The following PTPRD variants were observed in gnomAD, a reference collection of about 807,000 sequenced individuals.
PTPRD encodes protein tyrosine phosphatase receptor type D.
PTPRD carries 34 observed loss-of-function variants against 214.5 expected under a neutral mutation model. The observed-to-expected ratio is 0.16, with a 90% CI of 0.12 to 0.21. The LOEUF (loss-of-function observed/expected upper bound fraction) is 0.21, where lower values mean the gene tolerates loss of function less well. PTPRD is among the 10% of genes least tolerant of loss of function. The pLI is 1.00. For synonymous variants in PTPRD, 1,128 were observed against 845.7 expected, an observed-to-expected ratio of 1.33 and a Z score of -5.79; for missense variants, 2,545 against 2,398.7, an observed-to-expected ratio of 1.06 and a Z score of -1.27.
intron 3 of PTPRD, among the ~76,000 whole-genome samples, chr9:10,190,123 T>C (rs564715886): frequency 5.3e-5 from 8 of 151,852 alleles, no homozygotes; most frequent in Admixed American, 5.2e-4. Flanking sequence ...TCCCAGCATT[T>C]TGGGAGGCTG....
At chr9:9,687,752 A>C (rs1414602276) in intron 7 of PTPRD, among the ~76,000 whole-genome samples, 1 of 151,816 alleles carries the variant, frequency 6.6e-6, no homozygotes, top group Non-Finnish European at 1.5e-5. Context: ...TTGGTCAAAA[A>C]CAAAATGTTG....
chr9:9,238,198 A>T (rs1486813056), intron 9 of PTPRD, among the ~76,000 whole-genome samples: 3 of 151,958 alleles, frequency 2.0e-5, no homozygotes, highest in Non-Finnish European at 4.4e-5. Flanking sequence ...TAGCCCTGAG[A>T]GTCATGAATA....
chr9:9,745,353 G>A (rs1332230635), intron 6 of PTPRD, among the ~76,000 whole-genome samples: 1 of 151,984 alleles, frequency 6.6e-6, no homozygotes, highest in African/African-American at 2.4e-5. Flanking sequence ...TTGTTAAGCT[G>A]CTTCCTAGAA....
intron 2 of PTPRD, among the ~76,000 whole-genome samples, chr9:10,363,992 T>TTTTTTTG (rs1491530755): frequency 0.31 from 11,277 of 36,222 alleles, 2,756 homozygotes; most frequent in South Asian, 0.46. Context: ...CATTTTCGGG[T>TTTTTTTG]TTTTTTTTTT....
intron 2 of PTPRD, among the ~76,000 whole-genome samples, chr9:10,518,753 T>C (rs374933400): frequency 0.014 from 2,148 of 152,134 alleles, 27 homozygotes; most frequent in East Asian, 0.05. Context: ...AAGATGGTCT[T>C]GATCTCCTGA....
At chr9:8,350,151 G>A (rs542310150) in intron 39 of PTPRD, among the ~76,000 whole-genome samples, 133 of 152,204 alleles carry the variant, frequency 8.7e-4, no homozygotes, top group Non-Finnish European at 1.6e-3. Context: ...ATGTGATACA[G>A]TAGTAATGTG....
At chr9:9,021,539 T>C (rs936584660) in intron 10 of PTPRD, among the ~76,000 whole-genome samples, 6 of 152,146 alleles carry the variant, frequency 3.9e-5, no homozygotes, top group Non-Finnish European at 8.8e-5. Flanking sequence ...TAGAGTGTAC[T>C]CTTTCTACTT....
intron 2 of PTPRD, among the ~76,000 whole-genome samples, chr9:10,568,274 T>C (rs1218532896): frequency 6.6e-6 from 1 of 152,116 alleles, no homozygotes; most frequent in South Asian, 2.1e-4. Flanking sequence ...GCTTCATCCA[T>C]GTCCCTGCAA....
In PTPRD at chr9:9,477,483, C is replaced by A. The variant is rs2095144287; in HGVS notation, c.-236-80001G>T. On this transcript the variant is annotated intron_variant, in intron 8 of 45. Coordinates refer to ENST00000381196, the MANE Select transcript of PTPRD (RefSeq NM_002839.4). Reference sequence around the variant, plus strand: ...CATAAGAGGAGGTGTAGTCACCCCACTCAAAGAAAATGCTTTTTAAAGTTC... The same window carrying A: ...CATAAGAGGAGGTGTAGTCACCCCAATCAAAGAAAATGCTTTTTAAAGTTC... 2.0e-5 allele frequency among the ~76,000 whole-genome samples: 3 copies of A among 152,174 alleles called. No homozygotes were observed. The South Asian group carries it at 6.2e-4, about 32-fold the overall frequency.
intron 10 of PTPRD, among the ~76,000 whole-genome samples, chr9:9,153,108 C>A (rs2099878282): frequency 6.6e-6 from 1 of 152,172 alleles, no homozygotes; most frequent in Non-Finnish European, 1.5e-5. Flanking sequence ...GGGCACTGAC[C>A]CTCCTCCTGT....
intron 8 of PTPRD, among the ~76,000 whole-genome samples, chr9:9,485,604 G>A (rs931323000): frequency 2.6e-5 from 4 of 152,022 alleles, no homozygotes; most frequent in Non-Finnish European, 4.4e-5. Flanking sequence ...AAGAAATTAC[G>A]TGATCAAATA....
At chr9:8,815,124 T>G (rs1190407594) in intron 11 of PTPRD, among the ~76,000 whole-genome samples, 5 of 152,096 alleles carry the variant, frequency 3.3e-5, no homozygotes, top group Non-Finnish European at 4.4e-5. Flanking sequence ...TTTTTTTCAT[T>G]TTCTCTTCAT....
At chr9:10,115,248 C>A (rs1001046056) in intron 3 of PTPRD, among the ~76,000 whole-genome samples, 2 of 151,898 alleles carry the variant, frequency 1.3e-5, no homozygotes, top group African/African-American at 4.8e-5. Context: ...AGTGAATAAG[C>A]TTTCCATATG....
intron 5 of PTPRD, among the ~76,000 whole-genome samples, chr9:9,933,374 T>C (rs1169186931): frequency 1.3e-5 from 2 of 151,700 alleles, no homozygotes; most frequent in Admixed American, 1.3e-4. Flanking sequence ...AATAAAAGGA[T>C]GGAGGAAGAT....
intron 7 of PTPRD, among the ~76,000 whole-genome samples, chr9:9,613,303 AC>A (rs1395782599): frequency 3.9e-5 from 6 of 152,054 alleles, no homozygotes; most frequent in South Asian, 2.1e-4. Context: ...AATCTAAAAA[AC>A]GTCATTCAAT....
chr9:9,549,758 T>C (rs2079732267), intron 8 of PTPRD, among the ~76,000 whole-genome samples: 1 of 152,064 alleles, frequency 6.6e-6, no homozygotes, highest in African/African-American at 2.4e-5. Context: ...GAGCCTCAAC[T>C]TAAACCTCAT....
At chr9:9,994,949 T>C (rs1735628729) in intron 4 of PTPRD, among the ~76,000 whole-genome samples, 1 of 152,112 alleles carries the variant, frequency 6.6e-6, no homozygotes, top group Non-Finnish European at 1.5e-5. Context: ...GTATTTTAAA[T>C]TAATATTCCT....
chr9:8,606,304 G>A (rs2095209854), intron 14 of PTPRD, among the ~76,000 whole-genome samples: 1 of 152,160 alleles, frequency 6.6e-6, no homozygotes, highest in Non-Finnish European at 1.5e-5. Flanking sequence ...GAATGCTAAT[G>A]TAATGCCAGT....
At chr9:9,468,289 A>C (rs2094356436) in intron 8 of PTPRD, among the ~76,000 whole-genome samples, 1 of 152,044 alleles carries the variant, frequency 6.6e-6, no homozygotes, top group Non-Finnish European at 1.5e-5. Flanking sequence ...TGTTGGTAAA[A>C]GTTTATAATA....
Sources: allele counts gnomAD v4.1 joint callset (sites outside exome capture counted in the v4.1 genomes callset), GRCh38; gene constraint gnomAD v4.1.1; transcripts MANE v1.5; gene names NCBI Gene and HGNC (gene_info 2026-07-23, HGNC 2026-07-21).